ME3: variants seen among roughly 807,000 people sequenced by gnomAD.
ME3 encodes malic enzyme 3.
Under a neutral mutation model 68.9 loss-of-function variants are expected in ME3, and 48 were observed. The ratio of observed to expected loss-of-function variants is 0.70; its 90% confidence interval spans 0.55 to 0.89. The LOEUF is 0.89. Among genes scored for constraint, ME3 ranks in the 40% least tolerant of loss-of-function variants. The pLI, the probability that ME3 is intolerant of heterozygous loss-of-function variation, is 0.00. For synonymous variants in ME3, 320 were observed against 318.8 expected, an observed-to-expected ratio of 1.00 and a Z score of -0.04; for missense variants, 675 against 797.4, an observed-to-expected ratio of 0.85 and a Z score of 1.85.
In ME3 at chr11:86,556,547, G is replaced by T; in HGVS notation, c.467+6C>A. The stretch of plus-strand genomic sequence containing the variant: ...CTCCCAGAGCCCTCACTCCACGGGG[G>T]CTCACCGGGGCCTGCGGAAAGTCAG... On this transcript the variant is annotated splice_donor_region_variant and intron_variant, in intron 4 of 14. Coordinates refer to ENST00000543262, the Ensembl canonical transcript of ME3. 1 of 1,612,666 alleles carries T rather than the reference G, an allele frequency of 6.2e-7. No homozygotes were observed. Among genetic ancestry groups the T allele is most frequent in the Non-Finnish European group, 8.5e-7 (1 of 1,179,260 alleles).
chr11:86,528,333 C>A (rs1380219545), intron 4 of ME3, among the ~76,000 whole-genome samples: 1 of 152,160 alleles, frequency 6.6e-6, no homozygotes, highest in Non-Finnish European at 1.5e-5. Context: ...GCACTGAATA[C>A]AGGAGCACCC....
chr11:86,444,349 A>C (rs1949166407), intron 13 of ME3, among the ~76,000 whole-genome samples: 1 of 152,166 alleles, frequency 6.6e-6, no homozygotes, highest in South Asian at 2.1e-4. Flanking sequence ...GGGCCTGGTG[A>C]TGAAGTGCCT....
intron 2 of ME3, among the ~76,000 whole-genome samples, chr11:86,605,652 T>G (rs1301269110): frequency 6.6e-6 from 1 of 152,188 alleles, no homozygotes; most frequent in Non-Finnish European, 1.5e-5. Flanking sequence ...CTTAAAATAG[T>G]CATTAATCAT....
intron 4 of ME3, among the ~76,000 whole-genome samples, chr11:86,509,681 C>T (rs1201024467): frequency 2.7e-5 from 4 of 150,082 alleles, no homozygotes; most frequent in South Asian, 2.1e-4. Context: ...GGGAATAAGC[C>T]GCGGAAAGGA....
exon 3 of ME3, chr11:86,559,765 G>A (rs779669461): frequency 1.9e-6 from 3 of 1,614,042 alleles, no homozygotes; most frequent in Non-Finnish European, 2.5e-6. Flanking sequence ...CAGAAAGCAG[G>A]GCGGGATTAG....
intron 2 of ME3, among the ~76,000 whole-genome samples, chr11:86,637,315 G>A (rs1270527926): frequency 7.1e-6 from 1 of 139,956 alleles, no homozygotes; most frequent in East Asian, 2.0e-4. Flanking sequence ...TAGTACTGAA[G>A]GTAATACGTA....
intron 4 of ME3, among the ~76,000 whole-genome samples, chr11:86,510,459 G>A (rs533391687): frequency 6.6e-6 from 1 of 152,192 alleles, no homozygotes; most frequent in South Asian, 2.1e-4. Flanking sequence ...TCTGTACTAT[G>A]CCACTTTTTT....
At chr11:86,458,191 G>A (rs1238460560) in intron 8 of ME3, among the ~76,000 whole-genome samples, 1 of 152,214 alleles carries the variant, frequency 6.6e-6, no homozygotes, top group Non-Finnish European at 1.5e-5. Flanking sequence ...CTGAGTGTTT[G>A]TTCTGGGCCT....
intron 2 of ME3, among the ~76,000 whole-genome samples, chr11:86,633,663 C>T (rs1007072544): frequency 3.3e-5 from 5 of 152,166 alleles, no homozygotes; most frequent in African/African-American, 1.2e-4. Flanking sequence ...AGGTTGCTCT[C>T]AAACCCAAAT....
At chr11:86,509,275 C>T (rs751458588) in intron 4 of ME3, among the ~76,000 whole-genome samples, 2 of 152,218 alleles carry the variant, frequency 1.3e-5, no homozygotes, top group Non-Finnish European at 2.9e-5. Flanking sequence ...AGGCCTGAGT[C>T]CGTGACTGAA....
At chr11:86,618,895 A>G (rs1594688758) in intron 2 of ME3, among the ~76,000 whole-genome samples, 4 of 152,048 alleles carry the variant, frequency 2.6e-5, no homozygotes, top group Admixed American at 2.6e-4. Flanking sequence ...TATTTTTAGT[A>G]GACGGGGGTT....
chr11:86,658,184 C>T (rs1237717269), intron 2 of ME3, among the ~76,000 whole-genome samples: 1 of 151,202 alleles, frequency 6.6e-6, no homozygotes, highest in East Asian at 1.9e-4. Context: ...GAGTGCAGGG[C>T]GCGATCTTGG....
chr11:86,488,833 G>T (rs753708153), intron 6 of ME3, among the ~76,000 whole-genome samples: 6 of 152,202 alleles, frequency 3.9e-5, no homozygotes, highest in Non-Finnish European at 8.8e-5. Flanking sequence ...ACATTATACT[G>T]CAGGGCAGAG....
At chr11:86,472,672 T>C (rs1399955407) in intron 7 of ME3, among the ~76,000 whole-genome samples, 3 of 152,212 alleles carry the variant, frequency 2.0e-5, no homozygotes, top group African/African-American at 4.8e-5. Flanking sequence ...TCACTGATAA[T>C]AGTGGGCTAA....
At chr11:86,565,694 C>G (rs1372094910) in intron 2 of ME3, among the ~76,000 whole-genome samples, 1 of 152,128 alleles carries the variant, frequency 6.6e-6, no homozygotes, top group Non-Finnish European at 1.5e-5. Flanking sequence ...TTAAATATTT[C>G]TTTGCATGTT....
At chr11:86,646,720 T>A (rs189818608) in intron 2 of ME3, among the ~76,000 whole-genome samples, 68 of 152,000 alleles carry the variant, frequency 4.5e-4, no homozygotes, top group Non-Finnish European at 8.8e-4. Flanking sequence ...AGATAATCCA[T>A]GAGAAGAGTA....
chr11:86,490,162 A>G (rs544667312), intron 6 of ME3, among the ~76,000 whole-genome samples: 2 of 152,202 alleles, frequency 1.3e-5, no homozygotes, highest in South Asian at 4.2e-4. Flanking sequence ...AGTTTAAGGG[A>G]CAGAAAAGAA....
At chr11:86,498,100 G>T (rs766885483) in exon 6 of ME3, 3 of 1,612,486 alleles carry the variant, frequency 1.9e-6, no homozygotes. Flanking sequence ...CCCAGGATGC[G>T]CTCCCCATCA....
chr11:86,489,091 A>G (rs972374762), intron 6 of ME3: 1 of 152,164 alleles, frequency 6.6e-6, no homozygotes, highest in African/African-American at 2.4e-5. Context: ...AGTTTCCTGG[A>G]ATTATCTACT....
Sources: gnomAD v4.1 joint callset for allele counts (sites outside exome capture counted in the v4.1 genomes callset) on GRCh38, gnomAD v4.1.1 for gene constraint, MANE v1.5 for transcripts, NCBI Gene and HGNC (gene_info 2026-07-23, HGNC 2026-07-21) for gene names.